NAV2: variants seen among roughly 807,000 people sequenced by gnomAD.
NAV2 encodes neuron navigator 2.
Under a neutral mutation model 223.2 loss-of-function variants are expected in NAV2, and 54 were observed. The ratio of observed to expected loss-of-function variants is 0.24; its 90% CI spans 0.19 to 0.30. The LOEUF is 0.30. Among genes scored for constraint, NAV2 ranks in the 10% least tolerant of loss-of-function variants. NAV2 has a pLI of 1.00. For missense variants in NAV2, 2,806 were observed against 3,147.5 expected, an observed-to-expected ratio of 0.89 and a Z score of 2.60; for synonymous variants, 1,279 against 1,239.3, an observed-to-expected ratio of 1.03 and a Z score of -0.67.
intron 10 of NAV2, among the ~76,000 whole-genome samples, chr11:19,968,188 A>T (rs961365676): frequency 2.0e-5 from 3 of 151,724 alleles, no homozygotes; most frequent in Admixed American, 6.6e-5. Flanking sequence ...TTGTTGATGT[A>T]GTTTTGTTTG....
chr11:19,788,732 G>C (rs1187534756), intron 1 of NAV2, among the ~76,000 whole-genome samples: 1 of 151,974 alleles, frequency 6.6e-6, no homozygotes, highest in Admixed American at 6.6e-5. Flanking sequence ...CTGGTTCCTC[G>C]AACTCACCAA....
At chr11:19,435,071 A>T (rs903693927) in intron 1 of NAV2, among the ~76,000 whole-genome samples, 4 of 152,194 alleles carry the variant, frequency 2.6e-5, no homozygotes, top group Admixed American at 6.5e-5. Context: ...TCGTCACCTC[A>T]AATATATATC....
At chr11:19,556,895 C>T (rs373555226) in intron 1 of NAV2, among the ~76,000 whole-genome samples, 1 of 152,068 alleles carries the variant, frequency 6.6e-6, no homozygotes, top group East Asian at 1.9e-4. Context: ...CGTCATTTTT[C>T]CTATCCAAGT....
chr11:19,517,667 A>G (rs2043501014), intron 1 of NAV2, among the ~76,000 whole-genome samples: 1 of 152,248 alleles, frequency 6.6e-6, no homozygotes, highest in Non-Finnish European at 1.5e-5. Flanking sequence ...ATATTGCACC[A>G]TGCACCAGTG....
At chr11:20,013,264 G>A (rs562545966) in intron 11 of NAV2, among the ~76,000 whole-genome samples, 141 of 152,292 alleles carry the variant, frequency 9.3e-4, no homozygotes, top group African/African-American at 3.0e-3. Context: ...TCTCTGGCGC[G>A]CTGTTGGTTT....
chr11:19,901,070 G>A (rs1327239897), intron 6 of NAV2, among the ~76,000 whole-genome samples: 1 of 152,154 alleles, frequency 6.6e-6, no homozygotes, highest in African/African-American at 2.4e-5. Context: ...TGATTCATGA[G>A]CCATCTCATC....
chr11:20,018,409 A>G (rs1281088547), intron 11 of NAV2, among the ~76,000 whole-genome samples: 2 of 151,330 alleles, frequency 1.3e-5, no homozygotes, highest in Non-Finnish European at 2.9e-5. Context: ...ACTCAGAAGC[A>G]GCTGCGCTTA....
intron 25 of NAV2, among the ~76,000 whole-genome samples, chr11:20,082,317 A>G (rs544221726): frequency 2.0e-5 from 3 of 152,304 alleles, no homozygotes; most frequent in Admixed American, 6.5e-5. Flanking sequence ...GGAAGGTGGG[A>G]GGCAGCCATT....
At chr11:19,956,811 C>A (rs1662252975) in intron 10 of NAV2, among the ~76,000 whole-genome samples, 3 of 152,086 alleles carry the variant, frequency 2.0e-5, no homozygotes, top group Non-Finnish European at 1.5e-5. Flanking sequence ...TTAAGTCCAT[C>A]TCCATCCCCG....
Position 19,933,209 on chromosome 11 carries a change from G to A in NAV2, c.965G>A (p.Gly322Glu), listed in dbSNP as rs1259148172. The A allele has an allele frequency of 1.3e-6, 2 of 1,554,760 alleles. No individual in the cohort carries two copies. Among genetic ancestry groups the A allele is most frequent in the Non-Finnish European group, 1.7e-6 (2 of 1,148,806 alleles). Residue 322 changes from glycine to glutamate, a missense_variant, in exon 7 of 38, where the codon GGA becomes GAA. Around this residue, in one of 4 missense-constraint regions of NAV2, gnomAD observed 1,167 missense variants for 1,180.5 expected, o/e 0.99. Coordinates refer to ENST00000349880, the MANE Select transcript of NAV2 (RefSeq NM_145117.5). This position sits in a 1 kb window ranked among gnomAD's most constrained non-coding sequence, Gnocchi z 4.3. ...PLASSASSHP[G>E]MSDNAPASLE... ...GCAAGTTCAGCCTCCTCCCACCCCG[G>A]AATGAGTGACAATGCACCTGCTTCC...
At chr11:19,996,215 TG>T (rs1160261491) in intron 11 of NAV2, among the ~76,000 whole-genome samples, 1 of 152,248 alleles carries the variant, frequency 6.6e-6, no homozygotes, top group Admixed American at 6.5e-5. Context: ...TTAATCATTG[TG>T]CTTGCCTCCC....
At chr11:20,002,288 G>A (rs1310278343) in intron 11 of NAV2, among the ~76,000 whole-genome samples, 1 of 152,186 alleles carries the variant, frequency 6.6e-6, no homozygotes, top group Non-Finnish European at 1.5e-5. Context: ...CTCTCATCAG[G>A]CATAGTACTT....
intron 1 of NAV2, among the ~76,000 whole-genome samples, chr11:19,762,148 C>G (rs1183531565): frequency 3.9e-5 from 6 of 152,172 alleles, no homozygotes; most frequent in Non-Finnish European, 8.8e-5. Flanking sequence ...GAGGCTGAGG[C>G]AGGAGAATCA....
chr11:19,617,840 C>A (rs1232386799), intron 1 of NAV2, among the ~76,000 whole-genome samples: 1 of 152,192 alleles, frequency 6.6e-6, no homozygotes, highest in Non-Finnish European at 1.5e-5. Flanking sequence ...TCTCCTATCA[C>A]TCCCCTCAGG....
chr11:20,100,856 C>A, intron 31 of NAV2, 81 bp from the exon 32 acceptor site: 2 of 1,207,464 alleles, frequency 1.7e-6, no homozygotes, highest in South Asian at 1.3e-5. Context: ...CACCTCAGGT[C>A]TTGGCAGTCC....
chr11:19,411,969 G>A (rs975774269), intron 1 of NAV2, among the ~76,000 whole-genome samples: 2 of 152,210 alleles, frequency 1.3e-5, no homozygotes, highest in Admixed American at 1.3e-4. Context: ...AGGTCACACA[G>A]CTCATGCTAT....
At chr11:19,618,405 G>T (rs71453074) in intron 1 of NAV2, among the ~76,000 whole-genome samples, 7 of 138,570 alleles carry the variant, frequency 5.1e-5, no homozygotes, top group African/African-American at 1.2e-4. Context: ...TGAATAGATG[G>T]ATGGATGGAT....
intron 10 of NAV2, among the ~76,000 whole-genome samples, chr11:19,980,750 T>G (rs1000020175): frequency 3.9e-5 from 6 of 152,250 alleles, no homozygotes; most frequent in South Asian, 2.1e-4. Context: ...CAAATTTGTA[T>G]ATTTTTCATT....
intron 1 of NAV2, among the ~76,000 whole-genome samples, chr11:19,579,881 C>A (rs75743755): frequency 2.0e-3 from 309 of 152,314 alleles, no homozygotes; most frequent in African/African-American, 7.1e-3. Flanking sequence ...TGTCCTGTCT[C>A]ACTTAAGTGG....
Sources: gnomAD v4.1 joint callset for allele counts (sites outside exome capture counted in the v4.1 genomes callset) on GRCh38, gnomAD v4.1.1 for gene constraint, gnomAD v4.1.1 regional missense constraint, Gnocchi (gnomAD v3.1) non-coding constraint, MANE v1.5 for transcripts, NCBI Gene and HGNC (gene_info 2026-07-23, HGNC 2026-07-21) for gene names.